Variants in C1orf21 observed in about 807,000 individuals in gnomAD.
The protein encoded by C1orf21 is uncharacterized protein C1orf21.
Under a neutral mutation model 18.7 loss-of-function variants are expected in C1orf21, and 3 were observed. That is an observed-to-expected ratio of 0.16 (90% CI 0.07 to 0.42). The LOEUF (loss-of-function observed/expected upper bound fraction) is 0.42, where lower values mean the gene tolerates loss of function less well. Ranked by LOEUF, C1orf21 falls within the 10% of genes least tolerant of loss-of-function variation. The probability of loss-of-function intolerance (pLI) is 0.99; values close to 1 mark genes in which losing one functional copy is unlikely to be tolerated. For synonymous variants in C1orf21, 41 were observed against 46.4 expected (o/e 0.88, Z 0.47); for missense variants, 104 against 143.6 (o/e 0.72, Z 1.41).
chr1:184,499,432 C>G (rs1657939948), intron 2 of C1orf21, among the ~76,000 whole-genome samples: 1 of 152,060 alleles, frequency 6.6e-6, no homozygotes, highest in South Asian at 2.1e-4. Context: ...CACATGAATT[C>G]CTAACTTAAG....
chr1:184,501,345 C>T (rs542920101), intron 2 of C1orf21, among the ~76,000 whole-genome samples: 23 of 152,202 alleles, frequency 1.5e-4, no homozygotes, highest in African/African-American at 4.3e-4. Context: ...TGCTGTGCTC[C>T]CTTTGGCTTT....
At chr1:184,583,699 A>T (rs2101995888) in intron 3 of C1orf21, among the ~76,000 whole-genome samples, 1 of 152,184 alleles carries the variant, frequency 6.6e-6, no homozygotes, top group East Asian at 1.9e-4. Context: ...ACTTCCACAG[A>T]CTCCTACTTG....
Position 184,387,808 on chromosome 1 carries a change from C to A in C1orf21, c.-125+440C>A, listed in dbSNP as rs537517414. Among the ~76,000 whole-genome samples, 1 of 152,314 alleles carries A rather than the reference C, an allele frequency of 6.6e-6. No individual in the cohort carries two copies. Among genetic ancestry groups the A allele is most frequent in the Non-Finnish European group, 1.5e-5 (1 of 68,018 alleles). On this transcript the variant is annotated intron_variant, in intron 1 of 5. Transcript: ENST00000235307. This position sits in a 1 kb window ranked among gnomAD's most constrained non-coding sequence, Gnocchi z 5.6. ...AAGCCAGAGCTTGAAAGGAAAAACA[C>A]AATTTAGGATCCTTTGCTAAGTATC...
At chr1:184,605,911 G>A (rs940836202) in intron 5 of C1orf21, among the ~76,000 whole-genome samples, 4 of 152,214 alleles carry the variant, frequency 2.6e-5, no homozygotes, top group Non-Finnish European at 4.4e-5. Context: ...TTTGGGATGG[G>A]CTTGTTGGGG....
chr1:184,570,740 G>A (rs1177793666), intron 3 of C1orf21, among the ~76,000 whole-genome samples: 2 of 152,214 alleles, frequency 1.3e-5, no homozygotes, highest in Non-Finnish European at 2.9e-5. Flanking sequence ...CATCTTGCCA[G>A]ATGTAATGAA....
chr1:184,618,798 G>T (rs1273033914), intron 5 of C1orf21, among the ~76,000 whole-genome samples: 1 of 152,158 alleles, frequency 6.6e-6, no homozygotes, highest in Non-Finnish European at 1.5e-5. Context: ...CAGACCAAGA[G>T]AGTCATGTGT....
chr1:184,601,728 T>C (rs979435928), intron 5 of C1orf21, among the ~76,000 whole-genome samples: 4 of 151,960 alleles, frequency 2.6e-5, no homozygotes, highest in African/African-American at 9.7e-5. Context: ...TGGTGAAACC[T>C]CATCTCTACT....
In C1orf21 at chr1:184,628,509, C is replaced by T. The variant is rs1660054057; in HGVS notation, c.*8953C>T. 6.6e-6 allele frequency: 1 copy of T among 152,446 alleles called. No homozygotes were observed. The highest frequency in any genetic ancestry group is 1.5e-5 in the Non-Finnish European group (1 of 68,034). 9.4% of individuals were successfully genotyped at this position (152,446 alleles called of 1,614,324 possible). A position where few individuals can be genotyped will look rare whatever the true frequency, so the allele number is the denominator to read the frequency against. Reference sequence around the variant, plus strand: ...CACGCCTAAATAGCATCCCAAACCACTGTGCGACATTTGGCCTGCAGAATA... The same window carrying T: ...CACGCCTAAATAGCATCCCAAACCATTGTGCGACATTTGGCCTGCAGAATA... On this transcript the variant is annotated 3_prime_UTR_variant, in exon 6 of 6. Transcript: ENST00000235307.
At chr1:184,613,704 T>TTGGATA (rs1228212462) in intron 5 of C1orf21, among the ~76,000 whole-genome samples, 1 of 152,130 alleles carries the variant, frequency 6.6e-6, no homozygotes, top group African/African-American at 2.4e-5. Flanking sequence ...TTCACAACCC[T>TTGGATA]TGGATATGGG....
At chr1:184,538,989 T>G (rs1571404845) in intron 3 of C1orf21, among the ~76,000 whole-genome samples, 1 of 152,228 alleles carries the variant, frequency 6.6e-6, no homozygotes, top group Non-Finnish European at 1.5e-5. Flanking sequence ...TACCTTTGAT[T>G]TCTTTTTCTT....
At chr1:184,447,697 G>A (rs1657055476) in intron 1 of C1orf21, among the ~76,000 whole-genome samples, 1 of 151,846 alleles carries the variant, frequency 6.6e-6, no homozygotes, top group Admixed American at 6.6e-5. Context: ...TCGTTATTTG[G>A]TACAATGTCT....
chr1:184,485,413 A>G (rs866879633), intron 2 of C1orf21, among the ~76,000 whole-genome samples: 1 of 152,252 alleles, frequency 6.6e-6, no homozygotes. Context: ...TGTGGCTACT[A>G]GAAGCATTAA....
intron 4 of C1orf21, among the ~76,000 whole-genome samples, chr1:184,597,904 T>C (rs1212966038): frequency 1.3e-5 from 2 of 152,218 alleles, no homozygotes; most frequent in Non-Finnish European, 2.9e-5. Context: ...AGTAGTAATA[T>C]CAGGTCATCT....
rs74381489 is a variant in C1orf21 at position 184,444,876 on chromosome 1, A to G, written c.-124-32510A>G. 1.4e-3 allele frequency among the ~76,000 whole-genome samples: 214 copies of G among 152,248 alleles called. 1 individual carries two copies. In the East Asian group the frequency reaches 0.015, roughly 10 times the overall value. ...CATGGTCTTCTATCTAGGGAGATCA[A>G]AAGAGGACTCTTCCAAGCAAAGAAG... On this transcript the variant is annotated intron_variant, in intron 1 of 5. Coordinates refer to ENST00000235307, the MANE Select transcript of C1orf21 (RefSeq NM_030806.4).
intron 1 of C1orf21, among the ~76,000 whole-genome samples, chr1:184,423,474 A>G (rs1245484523): frequency 6.6e-6 from 1 of 152,182 alleles, no homozygotes; most frequent in Non-Finnish European, 1.5e-5. Context: ...GGCAATGGGG[A>G]GCCACTGAGA....
chr1:184,402,166 A>G (rs921027522), intron 1 of C1orf21, among the ~76,000 whole-genome samples: 2 of 152,232 alleles, frequency 1.3e-5, no homozygotes, highest in Non-Finnish European at 2.9e-5. Context: ...CACACTATCT[A>G]TGTTTCAAGG....
In C1orf21 at chr1:184,628,741, A is replaced by T. The variant is rs1251386792; in HGVS notation, c.*9185A>T. 1 of 152,648 alleles carries T rather than the reference A, an allele frequency of 6.6e-6. No homozygotes were observed. The highest frequency in any genetic ancestry group is 2.4e-5 in the African/African-American group (1 of 41,440). 9.5% of individuals were successfully genotyped at this position (152,648 alleles called of 1,614,324 possible). ...GTTCATCTTCCCTCTCTGGGTCTCC[A>T]GAAAAGGACACTGGCAATATCCCCA... On this transcript the variant is annotated 3_prime_UTR_variant, in exon 6 of 6. Transcript: ENST00000235307.
At chr1:184,503,351 G>A (rs1658006189) in intron 2 of C1orf21, among the ~76,000 whole-genome samples, 1 of 151,990 alleles carries the variant, frequency 6.6e-6, no homozygotes, top group Non-Finnish European at 1.5e-5. Flanking sequence ...GGTATATGAG[G>A]TTCTTTAGCT....
At chr1:184,580,157 CTTGACTGGT>C (rs1659256661) in intron 3 of C1orf21, among the ~76,000 whole-genome samples, 1 of 151,892 alleles carries the variant, frequency 6.6e-6, no homozygotes, top group Non-Finnish European at 1.5e-5. Context: ...GACCTTGACT[CTTGACTGGT>C]TCACTTTTGC....
Sources: allele counts gnomAD v4.1 joint callset (sites outside exome capture counted in the v4.1 genomes callset), GRCh38; gene constraint gnomAD v4.1.1; non-coding constraint Gnocchi (gnomAD v3.1); transcripts MANE v1.5; gene names NCBI Gene and HGNC (gene_info 2026-07-23, HGNC 2026-07-21).